The following SLC1A4 variants were observed in gnomAD, a reference collection of about 807,000 sequenced individuals.
SLC1A4 encodes solute carrier family 1 member 4.
Under a neutral mutation model 37.7 loss-of-function variants are expected in SLC1A4, and 19 were observed. The ratio of observed to expected loss-of-function variants is 0.50; its 90% CI spans 0.35 to 0.74. The LOEUF (loss-of-function observed/expected upper bound fraction) is 0.74, where lower values mean the gene tolerates loss of function less well. Ranked by LOEUF, SLC1A4 falls within the 30% of genes least tolerant of loss-of-function variation. SLC1A4 has a pLI of 0.01. For synonymous variants in SLC1A4, 299 were observed against 309.8 expected (o/e 0.97, Z 0.37); for missense variants, 570 against 712.9 (o/e 0.80, Z 2.28).
chr2:64,998,859 G>A (rs1251600108), intron 1 of SLC1A4, among the ~76,000 whole-genome samples: 1 of 152,220 alleles, frequency 6.6e-6, no homozygotes, highest in African/African-American at 2.4e-5. Context: ...TTTGCCGGGG[G>A]AAATTGTTTC....
At chr2:65,012,271 A>C (rs1200601432) in intron 4 of SLC1A4, among the ~76,000 whole-genome samples, 2 of 150,930 alleles carry the variant, frequency 1.3e-5, no homozygotes, top group Non-Finnish European at 2.9e-5. Flanking sequence ...TTGTATTTTT[A>C]GTAGAGACAG....
chr2:65,011,800 T>A (rs1309320469), intron 4 of SLC1A4, among the ~76,000 whole-genome samples: 1 of 152,020 alleles, frequency 6.6e-6, no homozygotes, highest in African/African-American at 2.4e-5. Context: ...ACGGAGCCTC[T>A]CTCTGTTGCC....
intron 1 of SLC1A4, chr2:65,001,176 G>A (rs1286337667): frequency 2.7e-6 from 1 of 374,652 alleles, no homozygotes; most frequent in East Asian, 5.1e-5. Flanking sequence ...GGGGTGGAGA[G>A]AGAACACTGT....
rs70937394 is a variant in SLC1A4, at chr2:65,002,570, C to CTTTTTTTTTTTTTTTTTTTTTTTTT, written c.570+1081_570+1105dup. Reference sequence around the variant, plus strand: ...TGCAAGTAACAGTCCTGTGACCATTCTTTTTTTTTTTTTTTTTTTTTTTTT... The same window carrying CTTTTTTTTTTTTTTTTTTTTTTTTT: ...TGCAAGTAACAGTCCTGTGACCATTCTTTTTTTTTTTTTTTTTTTTTTTTTTTTTTTTTTTTTTTTTTTTTTTTTT... On this transcript the variant is annotated intron_variant, in intron 2 of 7. Coordinates refer to ENST00000234256, the MANE Select transcript of SLC1A4 (RefSeq NM_003038.5). Among the ~76,000 whole-genome samples, 25 of 59,048 alleles carry CTTTTTTTTTTTTTTTTTTTTTTTTT rather than the reference C, an allele frequency of 4.2e-4. 4 individuals are homozygous for CTTTTTTTTTTTTTTTTTTTTTTTTT. Among genetic ancestry groups the CTTTTTTTTTTTTTTTTTTTTTTTTT allele is most frequent in the East Asian group, 3.0e-3 (4 of 1,322 alleles). 38.7% of individuals were successfully genotyped at this position (59,048 alleles called of 152,430 possible).
At chr2:65,011,469 T>TGTTG (rs959876202) in intron 4 of SLC1A4, 1 of 151,454 alleles carries the variant, frequency 6.6e-6, no homozygotes, top group East Asian at 1.9e-4. Context: ...GGTTTCACCA[T>TGTTG]GTTGGCCAAG....
At chr2:65,011,810 C>CCAGGCTA (rs1673931632) in intron 4 of SLC1A4, among the ~76,000 whole-genome samples, 1 of 152,054 alleles carries the variant, frequency 6.6e-6, no homozygotes. Context: ...TCTCTGTTGC[C>CCAGGCTA]CAGGCTAGAG....
At chr2:65,006,855 C>G (rs1390359471) in intron 3 of SLC1A4, among the ~76,000 whole-genome samples, 1 of 152,040 alleles carries the variant, frequency 6.6e-6, no homozygotes. Flanking sequence ...TAGGAGGATC[C>G]CTTGAGCCAA....
chr2:65,005,048 T>C (rs1471889678), intron 3 of SLC1A4, among the ~76,000 whole-genome samples: 3 of 152,196 alleles, frequency 2.0e-5, no homozygotes. Flanking sequence ...CTTCCTTCAG[T>C]TTACATCCAC....
intron 3 of SLC1A4, 145 bp from the exon 4 acceptor site, chr2:65,010,452 T>G: frequency 1.5e-6 from 1 of 683,044 alleles, no homozygotes; most frequent in African/African-American, 1.8e-5. Context: ...ACCCCTTTAT[T>G]TGCAGAATTG....
chr2:64,989,518 A>C lies in SLC1A4; in HGVS notation c.-126A>C. On this transcript the variant is annotated 5_prime_UTR_variant, in exon 1 of 8. Coordinates refer to ENST00000234256, the MANE Select transcript of SLC1A4 (RefSeq NM_003038.5). ...ACCTGCTCCTGCGCCAGGCCCGGAG[A>C]CCCCCGGGGCGGCTTCCCAGAACCT... The C allele has an allele frequency of 1.3e-6, 1 of 798,204 alleles. No homozygotes were observed. The highest frequency in any genetic ancestry group is 1.7e-6 in the Non-Finnish European group (1 of 572,614). 49.4% of individuals were successfully genotyped at this position (798,204 alleles called of 1,614,324 possible). A position where few individuals can be genotyped will look rare whatever the true frequency, so the allele number is the denominator to read the frequency against.
chr2:65,016,738 T>C, intron 5 of SLC1A4, 65 bp downstream of exon 5: 2 of 1,011,260 alleles, frequency 2.0e-6, no homozygotes, highest in Non-Finnish European at 3.1e-6. Context: ...GTGAGCCCAG[T>C]GGTAGATGCA....
intron 1 of SLC1A4, among the ~76,000 whole-genome samples, 156 bp downstream of exon 1, chr2:64,990,326 G>C (rs1037028668): frequency 1.3e-5 from 2 of 152,170 alleles, no homozygotes; most frequent in Non-Finnish European, 2.9e-5. Flanking sequence ...ATGACGTCTG[G>C]AGTTTTTGCG....
intron 4 of SLC1A4, among the ~76,000 whole-genome samples, chr2:65,015,435 A>G (rs1188286090): frequency 6.6e-6 from 1 of 150,816 alleles, no homozygotes; most frequent in Non-Finnish European, 1.5e-5. Flanking sequence ...ACATAGATTT[A>G]AATACATACC....
rs764296914 is a variant in SLC1A4, at chr2:65,022,577, A to G, written c.*1431A>G. The G allele has an allele frequency of 1.8e-5, 2 of 113,022 alleles. No individual in the cohort carries two copies. Among genetic ancestry groups the G allele is most frequent in the Non-Finnish European group, 4.2e-5 (2 of 48,068 alleles). The allele number at this position is 113,022 out of a possible 1,614,324, so 7.0% of individuals were successfully genotyped here. A position where few individuals can be genotyped will look rare whatever the true frequency, so the allele number is the denominator to read the frequency against. Reference sequence around the variant, plus strand: ...ATGTAAGGGACAGCTTTCTCCACAGAGTCCTTTCTGCTGGTGAGGACAGCA... The same window carrying G: ...ATGTAAGGGACAGCTTTCTCCACAGGGTCCTTTCTGCTGGTGAGGACAGCA... On this transcript the variant is annotated 3_prime_UTR_variant, in exon 8 of 8. Coordinates refer to ENST00000234256, the MANE Select transcript of SLC1A4 (RefSeq NM_003038.5).
At chr2:65,006,034 G>A (rs890371444) in intron 3 of SLC1A4, among the ~76,000 whole-genome samples, 4 of 151,792 alleles carry the variant, frequency 2.6e-5, no homozygotes, top group African/African-American at 9.7e-5. Context: ...CAAGAGTGAT[G>A]AGTAAATGCT....
At position 65,018,076 on chromosome 2, in the gene SLC1A4, C is replaced by T. The variant is rs1429785570; in HGVS notation, c.1040C>T (p.Ala347Val). Residue 347 changes from alanine (A) to valine (V), a missense_variant, in exon 6 of 8, where the codon GCG (alanine) becomes GTG (valine). By Grantham distance (64) the Ala-to-Val change is moderately conservative. Transcript: ENST00000234256. This position sits in a 1 kb window ranked among gnomAD's most constrained non-coding sequence, Gnocchi z 4.3. ...ATAFATCSSS[A>V]TLPSMMKCIE... ...TTTGTTTTTCCCATTTCTAGCTCAG[C>T]GACCCTTCCCTCTATGATGAAGTGC... is the stretch of plus-strand genomic sequence containing the variant. 2.5e-6 allele frequency: 4 copies of T among 1,612,100 alleles called. No homozygotes were observed. Among genetic ancestry groups the T allele is most frequent in the Admixed American group, 1.7e-5 (1 of 59,842 alleles).
At position 65,021,404 on chromosome 2, in the gene SLC1A4, T is replaced by G. The variant is rs1674417178; in HGVS notation, c.*258T>G. On this transcript the variant is annotated 3_prime_UTR_variant, in exon 8 of 8. Coordinates refer to ENST00000234256, the MANE Select transcript of SLC1A4 (RefSeq NM_003038.5). ...AACTGTGTGTACACCAGGGATCTGT[T>G]TGGAAACAACCCCTTGAGCTGCCAG... is the stretch of plus-strand genomic sequence containing the variant. 1 of 496,210 alleles carries G rather than the reference T, an allele frequency of 2.0e-6. No individual in the cohort carries two copies. Among genetic ancestry groups the G allele is most frequent in the Admixed American group, 3.6e-5 (1 of 27,760 alleles). The allele number at this position is 496,210 out of a possible 1,614,324, so 30.7% of individuals were successfully genotyped here.
intron 7 of SLC1A4, among the ~76,000 whole-genome samples, chr2:65,019,881 A>T (rs1674340271): frequency 6.6e-6 from 1 of 152,188 alleles, no homozygotes; most frequent in Non-Finnish European, 1.5e-5. Flanking sequence ...CTGAAGTCAC[A>T]CAGGCCTGCC....
chr2:65,018,206 G>A lies in SLC1A4; in HGVS notation c.1170G>A (p.Ala390=), dbSNP rs753639638. ...DGAAIFQCVA[A]VFIAQLNNVE... ...CAGCCATCTTCCAGTGTGTGGCCGC[G>A]GTGTTCATTGCGCAACTCAACAACG... Residue 390 remains alanine (A), a synonymous_variant, in exon 6 of 8, where the codon GCG becomes GCA. Transcript: ENST00000234256. The surrounding 1 kb of genome is among the most constrained non-coding windows in gnomAD (Gnocchi z 4.3). The A allele has an allele frequency of 9.7e-5, 156 of 1,613,962 alleles. No homozygotes were observed. The highest frequency in any genetic ancestry group is 1.2e-4 in the Non-Finnish European group (146 of 1,180,014).
Sources: gnomAD v4.1 joint callset for allele counts (sites outside exome capture counted in the v4.1 genomes callset) on GRCh38, gnomAD v4.1.1 for gene constraint, Gnocchi (gnomAD v3.1) non-coding constraint, MANE v1.5 for transcripts, NCBI Gene and HGNC (gene_info 2026-07-23, HGNC 2026-07-21) for gene names.